The following ZNF804B variants were observed in gnomAD, a reference collection of about 807,000 sequenced individuals.
ZNF804B encodes zinc finger protein 804B.
Under a neutral mutation model 101.4 loss-of-function variants are expected in ZNF804B, and 80 were observed. The ratio of observed to expected loss-of-function variants is 0.79; its 90% CI spans 0.66 to 0.95. The LOEUF (loss-of-function observed/expected upper bound fraction) is 0.95, where lower values mean the gene tolerates loss of function less well. Ranked by LOEUF, ZNF804B falls within the 40% of genes least tolerant of loss-of-function variation. The pLI is 0.00. For missense variants in ZNF804B, 1,673 were observed against 1,561.9 expected (o/e 1.07, Z -1.20); for synonymous variants, 622 against 558.8 (o/e 1.11, Z -1.59).
At chr7:89,233,901 T>C (rs1789237480) in intron 2 of ZNF804B, among the ~76,000 whole-genome samples, 1 of 152,156 alleles carries the variant, frequency 6.6e-6, no homozygotes, top group East Asian at 1.9e-4. Context: ...TGGGATCACA[T>C]GTGTGGCCAT....
intron 1 of ZNF804B, among the ~76,000 whole-genome samples, chr7:88,851,883 C>T (rs1397406256): frequency 6.6e-6 from 1 of 151,954 alleles, no homozygotes; most frequent in African/African-American, 2.4e-5. Context: ...ATACTTGGTT[C>T]TTATATGTGA....
chr7:88,981,343 A>G (rs992688104), intron 1 of ZNF804B, among the ~76,000 whole-genome samples: 11 of 152,024 alleles, frequency 7.2e-5, no homozygotes, highest in African/African-American at 2.7e-4. Context: ...CTGATGCTCT[A>G]TTCTACTGTG....
chr7:88,887,747 T>C (rs73200689), intron 1 of ZNF804B, among the ~76,000 whole-genome samples: 28,204 of 138,436 alleles, frequency 0.2, 2,820 homozygotes, highest in African/African-American at 0.33. Context: ...CATGAGTTCA[T>C]TGTAAAAAAA....
chr7:89,207,724 C>T (rs1268205638), intron 1 of ZNF804B, among the ~76,000 whole-genome samples: 1 of 152,192 alleles, frequency 6.6e-6, no homozygotes, highest in African/African-American at 2.4e-5. Flanking sequence ...TCCCCTTTAG[C>T]ATATTAAATA....
At chr7:88,965,660 C>A (rs1393768754) in intron 1 of ZNF804B, among the ~76,000 whole-genome samples, 1 of 151,460 alleles carries the variant, frequency 6.6e-6, no homozygotes, top group African/African-American at 2.4e-5. Flanking sequence ...AAATTGAATT[C>A]TAAGAGCACT....
chr7:88,880,977 A>G (rs565484728), intron 1 of ZNF804B, among the ~76,000 whole-genome samples: 1 of 152,202 alleles, frequency 6.6e-6, no homozygotes, highest in South Asian at 2.1e-4. Flanking sequence ...GATTTATATT[A>G]TTATCTAACC....
At chr7:89,302,732 T>G (rs1271624499) in intron 2 of ZNF804B, among the ~76,000 whole-genome samples, 2 of 151,934 alleles carry the variant, frequency 1.3e-5, no homozygotes, top group Non-Finnish European at 2.9e-5. Context: ...TTAGTAGATT[T>G]TGTTACTAAC....
intron 1 of ZNF804B, among the ~76,000 whole-genome samples, chr7:88,843,850 A>G (rs1469022491): frequency 6.6e-6 from 1 of 152,214 alleles, no homozygotes; most frequent in Admixed American, 6.5e-5. Flanking sequence ...ATTTAAAAAC[A>G]TTTTATGCAA....
At chr7:89,154,197 G>C (rs1790920252) in intron 1 of ZNF804B, among the ~76,000 whole-genome samples, 1 of 152,070 alleles carries the variant, frequency 6.6e-6, no homozygotes, top group Non-Finnish European at 1.5e-5. Context: ...CATCTCACCA[G>C]TTAAAATGGC....
At chr7:88,861,961 T>TG (rs963603684) in intron 1 of ZNF804B, among the ~76,000 whole-genome samples, 15 of 152,210 alleles carry the variant, frequency 9.9e-5, no homozygotes, top group African/African-American at 3.6e-4. Context: ...GTGTTGGGGC[T>TG]GGGGGGACCC....
intron 1 of ZNF804B, among the ~76,000 whole-genome samples, chr7:88,964,352 A>C (rs1279394127): frequency 1.3e-5 from 2 of 151,546 alleles, no homozygotes; most frequent in African/African-American, 4.8e-5. Context: ...TTGATCTTAC[A>C]AAGAAATTCT....
intron 1 of ZNF804B, among the ~76,000 whole-genome samples, chr7:89,190,283 C>T (rs939250505): frequency 1.5e-4 from 22 of 149,796 alleles, no homozygotes; most frequent in African/African-American, 5.4e-4. Flanking sequence ...TGCAGTGAGC[C>T]GAGATCGTGC....
In ZNF804B at chr7:89,315,617, G is replaced by T. The variant is rs560417837; in HGVS notation, c.250-11727G>T. On this transcript the variant is annotated intron_variant, in intron 2 of 3. Transcript: ENST00000333190. ...TACATTGATTTTATTGATTTTAGCA[G>T]AAAATTTAGCTCTGATGGAGTTTTG... 3.6e-4 allele frequency among the ~76,000 whole-genome samples: 54 copies of T among 152,106 alleles called. No homozygotes were observed. In the South Asian group the frequency reaches 0.011, roughly 30 times the overall value.
chr7:88,802,780 A>G (rs1453224282), intron 1 of ZNF804B, among the ~76,000 whole-genome samples: 2 of 152,216 alleles, frequency 1.3e-5, no homozygotes, highest in African/African-American at 2.4e-5. Context: ...GGCAGAAGAA[A>G]TTAATGAAGG....
At chr7:88,864,668 T>G (rs889029471) in intron 1 of ZNF804B, among the ~76,000 whole-genome samples, 17 of 152,144 alleles carry the variant, frequency 1.1e-4, no homozygotes, top group African/African-American at 3.9e-4. Flanking sequence ...GCCCCACGGG[T>G]ACCCTATGGA....
At chr7:89,282,457 A>G (rs1029225353) in intron 2 of ZNF804B, among the ~76,000 whole-genome samples, 6 of 152,102 alleles carry the variant, frequency 3.9e-5, no homozygotes, top group African/African-American at 1.4e-4. Context: ...CAACAACAGC[A>G]AAAAAAGACT....
chr7:89,246,033 G>A (rs1385291586), intron 2 of ZNF804B, among the ~76,000 whole-genome samples: 1 of 152,160 alleles, frequency 6.6e-6, no homozygotes, highest in Admixed American at 6.5e-5. Context: ...CCGAGAGCAG[G>A]ATGTCATTAT....
At chr7:88,922,845 CA>C (rs1792741692) in intron 1 of ZNF804B, among the ~76,000 whole-genome samples, 2 of 151,796 alleles carry the variant, frequency 1.3e-5, no homozygotes, top group African/African-American at 4.8e-5. Flanking sequence ...ATAATGATTT[CA>C]ATATATAGCC....
intron 1 of ZNF804B, among the ~76,000 whole-genome samples, chr7:88,867,415 C>T (rs1234550589): frequency 6.6e-6 from 1 of 152,154 alleles, no homozygotes; most frequent in East Asian, 1.9e-4. Context: ...TTTTAATATC[C>T]AGGGGCAGGA....
Sources: allele counts gnomAD v4.1 joint callset (sites outside exome capture counted in the v4.1 genomes callset), GRCh38; gene constraint gnomAD v4.1.1; transcripts MANE v1.5; gene names NCBI Gene and HGNC (gene_info 2026-07-23, HGNC 2026-07-21).